PLEKHH2: variants seen among roughly 807,000 people sequenced by gnomAD.
The protein encoded by PLEKHH2 is pleckstrin homology domain-containing family H member 2.
Under a neutral mutation model 187.9 loss-of-function variants are expected in PLEKHH2, and 129 were observed. That is an observed-to-expected ratio of 0.69 (90% confidence interval 0.59 to 0.79). The LOEUF is 0.79. PLEKHH2 is among the 30% of genes least tolerant of loss of function. The probability of loss-of-function intolerance (pLI) is 0.00; values close to 1 mark genes in which losing one functional copy is unlikely to be tolerated. For synonymous variants in PLEKHH2, 686 were observed against 605.6 expected, an observed-to-expected ratio of 1.13 and a Z score of -1.95; for missense variants, 2,076 against 1,751.2, an observed-to-expected ratio of 1.19 and a Z score of -3.31.
intron 14 of PLEKHH2, 53 bp from the exon 15 acceptor site, chr2:43,712,172 C>G: frequency 1.9e-6 from 3 of 1,566,616 alleles, no homozygotes; most frequent in Admixed American, 3.4e-5. Context: ...GAAATGCTAA[C>G]AATCCTAAAT....
intron 2 of PLEKHH2, among the ~76,000 whole-genome samples, chr2:43,650,842 T>G (rs1252273348): frequency 6.6e-6 from 1 of 151,964 alleles, no homozygotes; most frequent in East Asian, 1.9e-4. Context: ...AGACGGGGTT[T>G]CACTATGTTG....
chr2:43,648,241 T>A (rs1210265686), intron 2 of PLEKHH2, among the ~76,000 whole-genome samples: 1 of 152,014 alleles, frequency 6.6e-6, no homozygotes, highest in Non-Finnish European at 1.5e-5. Flanking sequence ...CAGGTTGGAG[T>A]GCAGTGGCGC....
rs1444124798 is a variant in PLEKHH2, at chr2:43,767,760, C to A, written c.*2162C>A. On this transcript the variant is annotated 3_prime_UTR_variant, in exon 30 of 30. Coordinates refer to ENST00000282406, the MANE Select transcript of PLEKHH2 (RefSeq NM_172069.4). ...AAACTGTGTAGTACCTTAGACTTGG[C>A]ATTTATTTTTGATAGAGCAGAGATA... 1.3e-5 allele frequency: 2 copies of A among 152,682 alleles called. No homozygotes were observed. Among genetic ancestry groups the A allele is most frequent in the Non-Finnish European group, 2.9e-5 (2 of 68,026 alleles). The allele number at this position is 152,682 out of a possible 1,614,324, so 9.5% of individuals were successfully genotyped here. A position where few individuals can be genotyped will look rare whatever the true frequency, so the allele number is the denominator to read the frequency against.
intron 3 of PLEKHH2, chr2:43,680,828 T>G: frequency 2.2e-6 from 1 of 455,430 alleles, no homozygotes; most frequent in Non-Finnish European, 4.0e-6. Flanking sequence ...CTTGATTGTA[T>G]TTGCTTGACT....
chr2:43,676,668 C>A lies in PLEKHH2; in HGVS notation c.124-2195C>A, dbSNP rs185560345. 1.2e-4 allele frequency among the ~76,000 whole-genome samples: 18 copies of A among 152,240 alleles called. No homozygotes were observed. In the East Asian group the frequency reaches 3.1e-3, roughly 26 times the overall value. On this transcript the variant is annotated intron_variant, in intron 2 of 29. Transcript: ENST00000282406. Reference sequence around the variant, plus strand: ...AAGAATAAAATTGAGTTTTACCTCACGATTTGTGTATTCAGCCCCTGGTAC... The same window carrying A: ...AAGAATAAAATTGAGTTTTACCTCAAGATTTGTGTATTCAGCCCCTGGTAC...
At chr2:43,746,057 G>T (rs1671767338) in intron 24 of PLEKHH2, 94 bp downstream of exon 24, 15 of 662,990 alleles carry the variant, frequency 2.3e-5, no homozygotes, top group Non-Finnish European at 3.2e-5. Context: ...TGCCTTAAAA[G>T]TTATTTATTT....
intron 2 of PLEKHH2, among the ~76,000 whole-genome samples, chr2:43,655,488 G>A (rs9309105): frequency 0.56 from 85,490 of 151,982 alleles, 24,551 homozygotes; most frequent in Middle Eastern, 0.67. Context: ...CCTTCAATTT[G>A]AACTTTCATG....
rs896475929 is a variant in PLEKHH2 at position 43,766,746 on chromosome 2, C to A, written c.*1148C>A. 6.6e-6 allele frequency: 1 copy of A among 152,144 alleles called. No homozygotes were observed. Among genetic ancestry groups the A allele is most frequent in the African/African-American group, 2.4e-5 (1 of 41,374 alleles). The allele number at this position is 152,144 out of a possible 1,614,324, so 9.4% of individuals were successfully genotyped here. A position where few individuals can be genotyped will look rare whatever the true frequency, so the allele number is the denominator to read the frequency against. On this transcript the variant is annotated 3_prime_UTR_variant, in exon 30 of 30. Coordinates refer to ENST00000282406, the MANE Select transcript of PLEKHH2 (RefSeq NM_172069.4). ...TTGAATAGCTGGGACTAGAAGCATG[C>A]ACCACCATGCCCATCTAATATTTGT... is the stretch of plus-strand genomic sequence containing the variant.
At chr2:43,715,825 C>T (rs1670183987) in intron 15 of PLEKHH2, among the ~76,000 whole-genome samples, 1 of 152,040 alleles carries the variant, frequency 6.6e-6, no homozygotes, top group Admixed American at 6.6e-5. Context: ...CAGTCTACAT[C>T]GGAGAAGAGT....
chr2:43,758,838 A>G (rs1262272381), intron 26 of PLEKHH2, 62 bp from the exon 27 acceptor site: 8 of 1,404,434 alleles, frequency 5.7e-6, no homozygotes, highest in South Asian at 1.4e-5. Flanking sequence ...TCTTAAGACT[A>G]TGACACACTG....
chr2:43,641,721 G>A (rs1451630978), intron 1 of PLEKHH2, among the ~76,000 whole-genome samples: 1 of 152,176 alleles, frequency 6.6e-6, no homozygotes, highest in Non-Finnish European at 1.5e-5. Context: ...TGGATATCCA[G>A]TTGTCCCAGC....
At chr2:43,641,711 T>C (rs1023330474) in intron 1 of PLEKHH2, among the ~76,000 whole-genome samples, 1 of 152,238 alleles carries the variant, frequency 6.6e-6, no homozygotes, top group East Asian at 1.9e-4. Context: ...CTTTTACATA[T>C]GGATATCCAG....
intron 8 of PLEKHH2, among the ~76,000 whole-genome samples, chr2:43,701,478 G>A (rs1270549532): frequency 2.0e-5 from 3 of 152,142 alleles, no homozygotes; most frequent in African/African-American, 4.8e-5. Context: ...GGAAAGAAGG[G>A]TTCCCCCTAA....
chr2:43,670,843 T>C (rs1159221648), intron 2 of PLEKHH2, among the ~76,000 whole-genome samples: 1 of 152,222 alleles, frequency 6.6e-6, no homozygotes, highest in African/African-American at 2.4e-5. Context: ...ATTTTCCTTA[T>C]CAGTATATTG....
intron 2 of PLEKHH2, among the ~76,000 whole-genome samples, chr2:43,650,165 TTC>T (rs1666394389): frequency 2.0e-5 from 3 of 149,186 alleles, no homozygotes; most frequent in Non-Finnish European, 4.5e-5. Flanking sequence ...TTTTTTTTTT[TTC>T]TGAGATGGAG....
At chr2:43,677,669 A>G (rs1303733879) in intron 2 of PLEKHH2, among the ~76,000 whole-genome samples, 1 of 151,908 alleles carries the variant, frequency 6.6e-6, no homozygotes, top group Non-Finnish European at 1.5e-5. Context: ...TCTATTCCAC[A>G]AAACCGCCAT....
intron 25 of PLEKHH2, 22 bp from the exon 26 acceptor site, chr2:43,757,097 A>G (rs753572836): frequency 7.8e-6 from 12 of 1,532,020 alleles, no homozygotes; most frequent in Non-Finnish European, 1.0e-5. Context: ...ATATATTTTC[A>G]CTTTTGTGGA....
In PLEKHH2 at chr2:43,700,561, G is replaced by GCAT; in HGVS notation, c.1604_1606dup (p.Ala535_Tyr536insSer). On this transcript the variant is annotated inframe_insertion, in exon 8 of 30. Transcript: ENST00000282406. Reference sequence around the variant, plus strand: ...ACACTGTGACTCAGCAAAGAAGGTGGCATACAGCAAACCTCCAACTCCTCC... The same window carrying GCAT: ...ACACTGTGACTCAGCAAAGAAGGTGGCATCATACAGCAAACCTCCAACTCCTCC... The GCAT allele has an allele frequency of 6.2e-7, 1 of 1,612,910 alleles. No individual in the cohort carries two copies. Among genetic ancestry groups the GCAT allele is most frequent in the Non-Finnish European group, 8.5e-7 (1 of 1,179,902 alleles).
Position 43,678,683 on chromosome 2 carries a change from A to G in PLEKHH2, c.124-180A>G, listed in dbSNP as rs1181887236. On this transcript the variant is annotated intron_variant, in intron 2 of 29. Coordinates refer to ENST00000282406, the MANE Select transcript of PLEKHH2 (RefSeq NM_172069.4). The stretch of plus-strand genomic sequence containing the variant: ...CAGTACAGTCCAGCTTCGGCTCGGC[A>G]TCAGAGGGAGACCATGGAAAGAGAG... 4.6e-5 allele frequency among the ~76,000 whole-genome samples: 7 copies of G among 151,612 alleles called. No homozygotes were observed. The East Asian group carries it at 1.4e-3, about 30-fold the overall frequency.
Sources: allele counts gnomAD v4.1 joint callset (sites outside exome capture counted in the v4.1 genomes callset), GRCh38; gene constraint gnomAD v4.1.1; transcripts MANE v1.5; gene names NCBI Gene and HGNC (gene_info 2026-07-23, HGNC 2026-07-21).